The following KANTR variants were observed in gnomAD, a reference collection of about 807,000 sequenced individuals.
KANTR encodes KANTR integral membrane protein.
chrX:53,100,468 G>A (rs1215214378), intron 2 of KANTR, among the ~76,000 whole-genome samples: 8 of 87,028 alleles, frequency 9.2e-5, no homozygotes, highest in East Asian at 3.6e-4. Flanking sequence ...CAATAAGAGT[G>A]AAACTCCGTC....
At chrX:53,113,115 TG>T in intron 2 of KANTR, 1 of 287,734 alleles carries the variant, frequency 3.5e-6, no homozygotes, top group Non-Finnish European at 6.9e-6. Flanking sequence ...TTCTTGCCCA[TG>T]GGCAGCTGTC....
chrX:53,120,391 A>G (rs1468641732), intron 2 of KANTR, among the ~76,000 whole-genome samples: 1 of 111,413 alleles, frequency 9.0e-6, no homozygotes, highest in African/African-American at 3.3e-5. Context: ...TTCTGTAAAA[A>G]TGTTGGAATT....
exon 3 of KANTR, chrX:53,126,482 A>C (rs1933293691): frequency 9.0e-6 from 1 of 111,369 alleles, no homozygotes. Context: ...AATCTGCTCT[A>C]ATCTGCCCAT....
downstream of KANTR, chrX:53,143,452 G>T (rs1314038434): frequency 1.7e-6 from 1 of 592,778 alleles, no homozygotes; most frequent in Non-Finnish European, 2.9e-6. Context: ...TGTCTCCAGA[G>T]TCCATGACAG....
At chrX:53,096,161 T>A (rs1445072679) in intron 1 of KANTR, among the ~76,000 whole-genome samples, 2 of 111,537 alleles carry the variant, frequency 1.8e-5, no homozygotes, top group East Asian at 5.6e-4. Flanking sequence ...TCCATGGTAT[T>A]CTACACCTTT....
At chrX:53,114,924 A>G (rs1205562777) in intron 2 of KANTR, among the ~76,000 whole-genome samples, 1 of 109,006 alleles carries the variant, frequency 9.2e-6, no homozygotes, top group East Asian at 2.9e-4. Context: ...CATGAGGACC[A>G]CCCTGGAGCC....
downstream of KANTR, among the ~76,000 whole-genome samples, chrX:53,130,283 G>A (rs1933345581): frequency 8.9e-6 from 1 of 112,551 alleles, no homozygotes; most frequent in African/African-American, 3.2e-5. Context: ...ATATTCTGAA[G>A]CCTTAGAAAG....
At chrX:53,106,478 C>G (rs1932955315) in intron 2 of KANTR, among the ~76,000 whole-genome samples, 2 of 110,206 alleles carry the variant, frequency 1.8e-5, no homozygotes, top group African/African-American at 6.8e-5. Flanking sequence ...TCACAGCTCA[C>G]TGCAGCCTTG....
intron 2 of KANTR, among the ~76,000 whole-genome samples, chrX:53,105,761 A>G (rs1222518075): frequency 9.2e-6 from 1 of 108,250 alleles, no homozygotes; most frequent in Admixed American, 9.9e-5. Context: ...CGGCCTCCCA[A>G]AGTGCTAAGA....
intron 2 of KANTR, among the ~76,000 whole-genome samples, chrX:53,117,591 G>C (rs1001066604): frequency 2.8e-4 from 9 of 32,675 alleles, no homozygotes; most frequent in Admixed American, 5.4e-4. Flanking sequence ...GTATCATACT[G>C]TGTGTGTGTG....
intron 2 of KANTR, among the ~76,000 whole-genome samples, chrX:53,108,178 C>T (rs202066691): frequency 3.8e-5 from 4 of 105,635 alleles, no homozygotes; most frequent in East Asian, 3.0e-4. Context: ...CGTGAGCCAC[C>T]GTGCCTGGCC....
At chrX:53,127,915 C>G (rs1461074341), downstream of KANTR, among the ~76,000 whole-genome samples, 2 of 111,185 alleles carry the variant, frequency 1.8e-5, no homozygotes, top group African/African-American at 6.6e-5. Context: ...CAGGGGATAG[C>G]GTGGAAGCTG....
downstream of KANTR, chrX:53,142,914 A>G: frequency 3.1e-6 from 2 of 646,923 alleles, no homozygotes; most frequent in Non-Finnish European, 5.1e-6. Flanking sequence ...CCAGGATGGA[A>G]CCACCAATCC....
exon 3 of KANTR, chrX:53,126,077 T>G (rs1933288926): frequency 9.1e-6 from 1 of 110,234 alleles, no homozygotes; most frequent in African/African-American, 3.3e-5. Context: ...ATTGCTGGTT[T>G]TGTGTGTGTG....
rs782145330 is a variant in KANTR at position 53,098,050 on chromosome X, CAAAAAA to C, written c.-941-1407_-941-1402del. Among the ~76,000 whole-genome samples the C allele has an allele frequency of 2.1e-3, 92 of 44,254 alleles. 1 individual carries two copies. Among genetic ancestry groups the C allele is most frequent in the Non-Finnish European group, 3.2e-3 (74 of 23,436 alleles). 38.4% of individuals were successfully genotyped at this position (44,254 alleles called of 115,157 possible). A position where few individuals can be genotyped will look rare whatever the true frequency, so the allele number is the denominator to read the frequency against. ...TGGGTGACACAGCGAGACTCTGTCT[CAAAAAA>C]AAAAAAAAAAAAAAGAAAGAAAGAA... On this transcript the variant is annotated intron_variant, in intron 1 of 2. Coordinates refer to ENST00000604062, the Ensembl canonical transcript of KANTR.
chrX:53,098,771 G>A (rs1391767218), intron 1 of KANTR, among the ~76,000 whole-genome samples: 2 of 110,384 alleles, frequency 1.8e-5, no homozygotes, highest in Non-Finnish European at 3.8e-5. Context: ...TGTCACCCAG[G>A]CTAGAGTGTA....
Position 53,106,677 on chromosome X carries a change from C to A in KANTR, c.-805+7069C>A, listed in dbSNP as rs782646315. Among the ~76,000 whole-genome samples the A allele has an allele frequency of 5.1e-4, 57 of 110,797 alleles. 1 individual carries two copies. Among genetic ancestry groups the A allele is most frequent in the Non-Finnish European group, 8.5e-4 (45 of 53,210 alleles). On this transcript the variant is annotated intron_variant, in intron 2 of 2. Transcript: ENST00000604062. ...TCAGCCTCCCAAAGTGCTGGGATTACAGACATACTGTACCCAGCCCATTTT... is the reference window on the plus strand; with the variant it reads ...TCAGCCTCCCAAAGTGCTGGGATTAAAGACATACTGTACCCAGCCCATTTT...
chrX:53,105,861 T>C (rs1405840224), intron 2 of KANTR, among the ~76,000 whole-genome samples: 3 of 89,546 alleles, frequency 3.4e-5, no homozygotes, highest in African/African-American at 1.3e-4. Flanking sequence ...TTTCTTTTTT[T>C]TTTTTTTTTT....
intron 2 of KANTR, among the ~76,000 whole-genome samples, chrX:53,115,409 G>A (rs782175276): frequency 8.9e-6 from 1 of 112,046 alleles, no homozygotes; most frequent in Non-Finnish European, 1.9e-5. Flanking sequence ...CCCCATGCTG[G>A]GGATGGTCTG....
Sources: allele counts gnomAD v4.1 joint callset (sites outside exome capture counted in the v4.1 genomes callset), GRCh38; gene constraint gnomAD v4.1.1; transcripts MANE v1.5; gene names NCBI Gene and HGNC (gene_info 2026-07-23, HGNC 2026-07-21).